The following GRIA1 variants were observed in gnomAD, a reference collection of about 807,000 sequenced individuals.
GRIA1 encodes the protein glutamate receptor 1.
In GRIA1, 31 loss-of-function variants were observed where a neutral mutation model predicts 99.2. That is an observed-to-expected ratio of 0.31 (90% CI 0.23 to 0.42). GRIA1 has a LOEUF of 0.42. Ranked by LOEUF, GRIA1 falls within the 10% of genes least tolerant of loss-of-function variation. The pLI is 1.00. For synonymous variants in GRIA1, 438 were observed against 432.4 expected (o/e 1.01, Z -0.16); for missense variants, 782 against 1,157.5 (o/e 0.68, Z 4.71).
At chr5:153,721,567 A>C (rs1278164580) in intron 11 of GRIA1, among the ~76,000 whole-genome samples, 2 of 152,310 alleles carry the variant, frequency 1.3e-5, no homozygotes, top group South Asian at 2.1e-4. Flanking sequence ...TGATGCATAG[A>C]GTAGTTTTAT....
intron 2 of GRIA1, among the ~76,000 whole-genome samples, chr5:153,497,131 G>A (rs2113211724): frequency 6.6e-6 from 1 of 152,252 alleles, no homozygotes; most frequent in African/African-American, 2.4e-5. Flanking sequence ...CCTTCTTCGT[G>A]TTCAATCTTT....
At chr5:153,790,110 G>A (rs561062378) in intron 13 of GRIA1, among the ~76,000 whole-genome samples, 2 of 152,256 alleles carry the variant, frequency 1.3e-5, no homozygotes, top group South Asian at 4.2e-4. Context: ...TCAGAGCAAG[G>A]CTAACCCCAG....
At chr5:153,713,032 A>T (rs576646824) in intron 11 of GRIA1, among the ~76,000 whole-genome samples, 2 of 152,344 alleles carry the variant, frequency 1.3e-5, no homozygotes, top group Admixed American at 1.3e-4. Flanking sequence ...GCTTAAAAGT[A>T]CAGAAAGCAA....
chr5:153,656,859 T>A (rs187881707), intron 5 of GRIA1, among the ~76,000 whole-genome samples: 129 of 152,256 alleles, frequency 8.5e-4, no homozygotes, highest in African/African-American at 2.9e-3. Flanking sequence ...CTCCTTATCA[T>A]CCCCTAAGCT....
chr5:153,766,442 C>A (rs1043594562), intron 12 of GRIA1, among the ~76,000 whole-genome samples: 1 of 152,232 alleles, frequency 6.6e-6, no homozygotes, highest in Admixed American at 6.5e-5. Context: ...ATAGCATAGA[C>A]AACATGCACC....
chr5:153,716,581 C>G (rs1026636048), intron 11 of GRIA1, among the ~76,000 whole-genome samples: 1 of 152,114 alleles, frequency 6.6e-6, no homozygotes, highest in African/African-American at 2.4e-5. Context: ...TTTGCCCCCA[C>G]CAAGATCAGG....
intron 8 of GRIA1, among the ~76,000 whole-genome samples, chr5:153,690,473 T>C (rs1757664672): frequency 6.6e-6 from 1 of 152,128 alleles, no homozygotes; most frequent in Non-Finnish European, 1.5e-5. Flanking sequence ...CCTCCCAGGA[T>C]CACTGTCAGG....
At chr5:153,497,233 T>G (rs1581129739) in intron 2 of GRIA1, among the ~76,000 whole-genome samples, 1 of 152,164 alleles carries the variant, frequency 6.6e-6, no homozygotes, top group East Asian at 1.9e-4. Context: ...TTTCCAAGCT[T>G]ACAGGGGTAG....
chr5:153,708,684 G>A (rs1759093024), intron 11 of GRIA1, among the ~76,000 whole-genome samples: 1 of 152,126 alleles, frequency 6.6e-6, no homozygotes, highest in Non-Finnish European at 1.5e-5. Context: ...AAACTTCACT[G>A]GAAGAAACGA....
intron 14 of GRIA1, among the ~76,000 whole-genome samples, chr5:153,801,307 G>A (rs1233064997): frequency 1.4e-5 from 2 of 140,822 alleles, no homozygotes; most frequent in Non-Finnish European, 3.0e-5. Context: ...GCTCCACAGG[G>A]TGAGCCCTGG....
intron 12 of GRIA1, 35 bp from the exon 13 acceptor site, chr5:153,770,133 G>T (rs752659460): frequency 1.2e-6 from 2 of 1,607,652 alleles, no homozygotes; most frequent in Non-Finnish European, 8.5e-7. Context: ...AATTCCAAGC[G>T]CACTTAATTC....
chr5:153,539,451 A>G (rs543740640), intron 2 of GRIA1, among the ~76,000 whole-genome samples: 10 of 152,368 alleles, frequency 6.6e-5, no homozygotes, highest in African/African-American at 2.4e-4. Context: ...GAATGTGCAT[A>G]CGCATTGTGA....
At chr5:153,694,863 C>A (rs570503798) in intron 8 of GRIA1, among the ~76,000 whole-genome samples, 2 of 151,388 alleles carry the variant, frequency 1.3e-5, no homozygotes, top group Admixed American at 1.3e-4. Flanking sequence ...AATATTTAAA[C>A]CTGTGGACTA....
intron 13 of GRIA1, among the ~76,000 whole-genome samples, chr5:153,771,754 C>T (rs1372480981): frequency 6.6e-6 from 1 of 152,122 alleles, no homozygotes; most frequent in Non-Finnish European, 1.5e-5. Flanking sequence ...AAAAACAAAT[C>T]AAAACTAGAA....
intron 2 of GRIA1, among the ~76,000 whole-genome samples, chr5:153,521,876 T>G (rs2113376032): frequency 6.6e-6 from 1 of 152,332 alleles, no homozygotes; most frequent in South Asian, 2.1e-4. Context: ...TGCACACTAG[T>G]TGGTGCAATG....
chr5:153,501,443 T>C (rs10515689), intron 2 of GRIA1, among the ~76,000 whole-genome samples: 14,662 of 152,062 alleles, frequency 0.096, 2,053 homozygotes, highest in East Asian at 0.59. Flanking sequence ...GATGCAGTGA[T>C]GGGAACAGGA....
intron 2 of GRIA1, among the ~76,000 whole-genome samples, chr5:153,643,913 C>G (rs1396529351): frequency 6.6e-6 from 1 of 152,166 alleles, no homozygotes; most frequent in Non-Finnish European, 1.5e-5. Flanking sequence ...TACTTCACTT[C>G]TAAAGTCCTA....
intron 14 of GRIA1, among the ~76,000 whole-genome samples, chr5:153,798,953 CG>C (rs1374107454): frequency 6.6e-6 from 1 of 152,126 alleles, no homozygotes; most frequent in Non-Finnish European, 1.5e-5. Flanking sequence ...CGTCACCATT[CG>C]TCACCATAGC....
intron 11 of GRIA1, among the ~76,000 whole-genome samples, chr5:153,720,747 G>T (rs905914491): frequency 6.6e-6 from 1 of 152,108 alleles, no homozygotes; most frequent in Non-Finnish European, 1.5e-5. Flanking sequence ...TTCTTCTCAG[G>T]CCTCAGGTTT....
Sources: gnomAD v4.1 joint callset for allele counts (sites outside exome capture counted in the v4.1 genomes callset) on GRCh38, gnomAD v4.1.1 for gene constraint, MANE v1.5 for transcripts, NCBI Gene and HGNC (gene_info 2026-07-23, HGNC 2026-07-21) for gene names.